Variants in RPS6KC1 observed in about 807,000 individuals in gnomAD.
RPS6KC1 encodes the protein ribosomal protein S6 kinase C1.
In RPS6KC1, 54 loss-of-function variants were observed where a neutral mutation model predicts 103.8. That is an observed-to-expected ratio of 0.52 (90% CI 0.42 to 0.65). RPS6KC1 has a LOEUF of 0.65. RPS6KC1 is among the 30% of genes least tolerant of loss of function. The pLI, the probability that RPS6KC1 is intolerant of heterozygous loss-of-function variation, is 0.00. For synonymous variants in RPS6KC1, 439 were observed against 438.7 expected (o/e 1.00, Z -0.01); for missense variants, 1,151 against 1,253.8 (o/e 0.92, Z 1.24).
the RPS6KC1 span, among the ~76,000 whole-genome samples, chr1:213,437,496 A>G: frequency 6.6e-6 from 1 of 152,042 alleles, no homozygotes; most frequent in Non-Finnish European, 1.5e-5. Context: ...TTTTGCTACC[A>G]AGGTTATACT....
the RPS6KC1 span, among the ~76,000 whole-genome samples, chr1:213,485,881 A>T: frequency 6.6e-6 from 1 of 152,198 alleles, no homozygotes; most frequent in African/African-American, 2.4e-5. Flanking sequence ...GTGCAGGAAG[A>T]AAAAAATGTG....
At chr1:213,300,070 G>A in the RPS6KC1 span, among the ~76,000 whole-genome samples, 20 of 152,172 alleles carry the variant, frequency 1.3e-4, no homozygotes, top group East Asian at 1.2e-3. Context: ...CTCCCAAAGC[G>A]CTGGGATTAC....
At chr1:213,276,320 C>G (rs558711189), downstream of RPS6KC1, among the ~76,000 whole-genome samples, 49 of 152,258 alleles carry the variant, frequency 3.2e-4, no homozygotes, top group South Asian at 9.7e-3. Flanking sequence ...TAAAACTGAT[C>G]ATCTTTTTTC....
chr1:213,255,947 G>A (rs2094633722), intron 12 of RPS6KC1, among the ~76,000 whole-genome samples: 1 of 152,196 alleles, frequency 6.6e-6, no homozygotes, highest in Non-Finnish European at 1.5e-5. Flanking sequence ...ATTAATTAAT[G>A]AATCACTGCT....
the RPS6KC1 span, among the ~76,000 whole-genome samples, chr1:213,520,533 G>A: frequency 6.6e-6 from 1 of 152,146 alleles, no homozygotes; most frequent in Non-Finnish European, 1.5e-5. Flanking sequence ...GGACACATGG[G>A]TAAGAAAGGG....
chr1:213,775,852 C>T, the RPS6KC1 span, among the ~76,000 whole-genome samples: 2 of 152,220 alleles, frequency 1.3e-5, no homozygotes. Context: ...AACCTTGCTG[C>T]TGCTTTATCA....
intron 6 of RPS6KC1, among the ~76,000 whole-genome samples, chr1:213,131,909 C>T (rs1371710040): frequency 6.6e-6 from 1 of 152,200 alleles, no homozygotes. Flanking sequence ...GAATTATGTG[C>T]TAAAACATCA....
the RPS6KC1 span, among the ~76,000 whole-genome samples, chr1:213,620,551 G>A: frequency 5.9e-5 from 9 of 152,228 alleles, no homozygotes; most frequent in Non-Finnish European, 1.3e-4. Flanking sequence ...ACTAGCCAAA[G>A]TTGTAACAGG....
intron 3 of RPS6KC1, among the ~76,000 whole-genome samples, chr1:213,080,564 ACAT>A (rs1312774390): frequency 6.6e-6 from 1 of 152,178 alleles, no homozygotes; most frequent in Non-Finnish European, 1.5e-5. Context: ...AATGTAATAA[ACAT>A]CATTTATAAA....
At chr1:213,589,961 G>GTGTGTT in the RPS6KC1 span, among the ~76,000 whole-genome samples, 214 of 151,896 alleles carry the variant, frequency 1.4e-3, no homozygotes, top group South Asian at 4.2e-3. Context: ...GTGTGTGTGT[G>GTGTGTT]TGTGTGTGTG....
intron 8 of RPS6KC1, among the ~76,000 whole-genome samples, chr1:213,222,913 A>G (rs2093871233): frequency 6.6e-6 from 1 of 152,216 alleles, no homozygotes; most frequent in Admixed American, 6.5e-5. Flanking sequence ...TCTGGTTAAA[A>G]ATTCAGATCT....
chr1:213,820,921 C>A, the RPS6KC1 span: 1 of 152,118 alleles, frequency 6.6e-6, no homozygotes, highest in African/African-American at 2.4e-5. Context: ...GTCTCATCCC[C>A]CAAAAACACC....
the RPS6KC1 span, among the ~76,000 whole-genome samples, chr1:213,480,948 T>C: frequency 7.2e-5 from 11 of 152,182 alleles, no homozygotes; most frequent in East Asian, 3.9e-4. Flanking sequence ...AGGTCTGATA[T>C]TGAATCAACG....
the RPS6KC1 span, among the ~76,000 whole-genome samples, chr1:213,702,520 G>A: frequency 3.3e-5 from 5 of 151,884 alleles, no homozygotes. Context: ...GGGTGTTAAA[G>A]TCTCGAGCTA....
At chr1:213,443,603 G>C in the RPS6KC1 span, among the ~76,000 whole-genome samples, 1 of 152,134 alleles carries the variant, frequency 6.6e-6, no homozygotes, top group Non-Finnish European at 1.5e-5. Flanking sequence ...GTAGCTGTCA[G>C]GTGGAGGTGA....
At chr1:213,779,226 G>A in the RPS6KC1 span, among the ~76,000 whole-genome samples, 73 of 152,272 alleles carry the variant, frequency 4.8e-4, no homozygotes, top group African/African-American at 1.5e-3. Context: ...ATTATGCCAC[G>A]GCCCTGAGTG....
the RPS6KC1 span, among the ~76,000 whole-genome samples, chr1:213,544,332 C>T: frequency 6.6e-6 from 1 of 152,146 alleles, no homozygotes; most frequent in African/African-American, 2.4e-5. Context: ...CTCCAGGAGA[C>T]ATTTGGCTCA....
the RPS6KC1 span, among the ~76,000 whole-genome samples, chr1:213,428,476 C>CCTTCCTTCCTT: frequency 5.5e-4 from 17 of 30,682 alleles, no homozygotes; most frequent in Middle Eastern, 0.02. Context: ...CTCCCTCCCT[C>CCTTCCTTCCTT]CCTCCCTTCC....
the RPS6KC1 span, among the ~76,000 whole-genome samples, chr1:213,437,176 T>G: frequency 6.6e-6 from 1 of 152,132 alleles, no homozygotes; most frequent in Non-Finnish European, 1.5e-5. Context: ...GGAAGTTCTT[T>G]TTAAAATTTC....
Sources: allele counts gnomAD v4.1 joint callset (sites outside exome capture counted in the v4.1 genomes callset), GRCh38; gene constraint gnomAD v4.1.1; transcripts MANE v1.5; gene names NCBI Gene and HGNC (gene_info 2026-07-23, HGNC 2026-07-21).